The following PARD3 variants were observed in gnomAD, a reference collection of about 807,000 sequenced individuals.
PARD3 encodes the protein par-3 family cell polarity regulator, also known as partitioning defective 3 homolog.
A neutral mutation model predicts 155.4 loss-of-function variants in PARD3; 75 were observed. The ratio of observed to expected loss-of-function variants is 0.48; its 90% CI spans 0.40 to 0.58. The LOEUF (loss-of-function observed/expected upper bound fraction) is 0.58. PARD3 is among the 20% of genes least tolerant of loss of function. The pLI is 0.00. For missense variants in PARD3, 1,642 were observed against 1,721.7 expected (o/e 0.95, Z 0.82); for synonymous variants, 576 against 610.5 (o/e 0.94, Z 0.83).
intron 5 of PARD3, among the ~76,000 whole-genome samples, chr10:34,439,131 T>C (rs983090892): frequency 2.6e-5 from 4 of 152,060 alleles, no homozygotes; most frequent in Non-Finnish European, 4.4e-5. Flanking sequence ...AGGATGAGAG[T>C]GAAAACTTTG....
At chr10:34,194,612 CTTTTTTT>C (rs34506915) in intron 22 of PARD3, among the ~76,000 whole-genome samples, 1 of 120,988 alleles carries the variant, frequency 8.3e-6, no homozygotes, top group Non-Finnish European at 1.7e-5. Context: ...TATGCCAAAG[CTTTTTTT>C]TTTTTTTTTT....
intron 19 of PARD3, among the ~76,000 whole-genome samples, chr10:34,323,626 T>C (rs1369067010): frequency 6.6e-6 from 1 of 152,230 alleles, no homozygotes; most frequent in African/African-American, 2.4e-5. Context: ...ATAGGATCAC[T>C]CTTTTAAAGA....
chr10:34,507,420 T>C (rs1422938123), intron 3 of PARD3, among the ~76,000 whole-genome samples: 1 of 151,158 alleles, frequency 6.6e-6, no homozygotes, highest in Admixed American at 6.6e-5. Context: ...AATTTATAAA[T>C]AAACAATAGA....
chr10:34,281,785 A>T (rs548087813), intron 21 of PARD3, among the ~76,000 whole-genome samples: 13 of 152,198 alleles, frequency 8.5e-5, no homozygotes, highest in Non-Finnish European at 1.9e-4. Flanking sequence ...AGGCAAAAAA[A>T]GTTCTGGTTT....
chr10:34,236,089 T>C (rs566240174), intron 22 of PARD3, among the ~76,000 whole-genome samples: 2 of 152,176 alleles, frequency 1.3e-5, no homozygotes, highest in Non-Finnish European at 2.9e-5. Flanking sequence ...AATCCAACCA[T>C]CTATTGAAGT....
At chr10:34,746,527 T>C (rs921682155) in intron 1 of PARD3, among the ~76,000 whole-genome samples, 2 of 152,190 alleles carry the variant, frequency 1.3e-5, no homozygotes, top group African/African-American at 2.4e-5. Context: ...ATGTCTCAAA[T>C]TTAAGATTCT....
intron 2 of PARD3, among the ~76,000 whole-genome samples, chr10:34,554,057 C>T (rs1395027238): frequency 6.6e-6 from 1 of 152,112 alleles, no homozygotes. Context: ...ATCAGCTATT[C>T]CAGTGCCAAT....
chr10:34,179,016 A>G (rs1950152557), intron 22 of PARD3, among the ~76,000 whole-genome samples: 1 of 152,176 alleles, frequency 6.6e-6, no homozygotes, highest in Non-Finnish European at 1.5e-5. Flanking sequence ...CCCTGCCCCA[A>G]ATGCCTCACC....
chr10:34,720,172 C>T (rs2094580941), intron 1 of PARD3, among the ~76,000 whole-genome samples: 1 of 152,208 alleles, frequency 6.6e-6, no homozygotes, highest in South Asian at 2.1e-4. Flanking sequence ...GCGGCTCATG[C>T]CTGTAATCCC....
At chr10:34,677,597 T>G (rs537055991) in intron 2 of PARD3, among the ~76,000 whole-genome samples, 1 of 152,114 alleles carries the variant, frequency 6.6e-6, no homozygotes, top group East Asian at 1.9e-4. Flanking sequence ...TTAAGAGATA[T>G]TCCCAAAACA....
intron 3 of PARD3, among the ~76,000 whole-genome samples, chr10:34,515,093 A>G (rs2081628177): frequency 6.6e-6 from 1 of 152,216 alleles, no homozygotes; most frequent in South Asian, 2.1e-4. Context: ...GGCAGTCTAC[A>G]TTGTATACAC....
intron 20 of PARD3, among the ~76,000 whole-genome samples, chr10:34,285,567 C>T (rs1337796639): frequency 2.0e-5 from 3 of 150,230 alleles, no homozygotes; most frequent in African/African-American, 7.4e-5. Flanking sequence ...AAGAGGGAGA[C>T]CTTATTTCAA....
At position 34,453,152 on chromosome 10, in the gene PARD3, T is replaced by C. The variant is rs149780839; in HGVS notation, c.583-2704A>G. 9.4e-3 allele frequency among the ~76,000 whole-genome samples: 1,425 copies of C among 152,328 alleles called. 27 individuals carry two copies. Among genetic ancestry groups the C allele is most frequent in the African/African-American group, 0.033 (1,364 of 41,584 alleles). On this transcript the variant is annotated intron_variant, in intron 4 of 24. Coordinates refer to ENST00000374788, the MANE Select transcript of PARD3 (RefSeq NM_001184785.2). The stretch of plus-strand genomic sequence containing the variant: ...GAATTTCAGACAATGGTGCTTACTG[T>C]ACCACACAAACTTCTTCACCTTCAT...
intron 1 of PARD3, among the ~76,000 whole-genome samples, chr10:34,757,668 G>A (rs377676521): frequency 4.0e-5 from 6 of 151,772 alleles, no homozygotes; most frequent in East Asian, 3.8e-4. Flanking sequence ...CCAAGATCGT[G>A]CCACTGGGCG....
chr10:34,385,745 T>C (rs1018353207), intron 7 of PARD3, among the ~76,000 whole-genome samples: 3 of 152,200 alleles, frequency 2.0e-5, no homozygotes, highest in African/African-American at 7.2e-5. Context: ...TCCATGGGCA[T>C]TTATCATATT....
intron 1 of PARD3, among the ~76,000 whole-genome samples, chr10:34,761,028 A>T (rs762610344): frequency 6.6e-6 from 1 of 152,182 alleles, no homozygotes; most frequent in African/African-American, 2.4e-5. Context: ...CCTGTCACAG[A>T]ACATATAACA....
At position 34,385,659 on chromosome 10, in the gene PARD3, T is replaced by C. The variant is rs1167352386; in HGVS notation, c.891-1405A>G. ...GAGAATTACAACTTGCAGTCATCTG[T>C]GTATGTTTTCCAGTAGAAATATACC... On this transcript the variant is annotated intron_variant, in intron 7 of 24. Coordinates refer to ENST00000374788, the MANE Select transcript of PARD3 (RefSeq NM_001184785.2). 4.6e-5 allele frequency among the ~76,000 whole-genome samples: 7 copies of C among 152,230 alleles called. No homozygotes were observed. In the East Asian group the frequency reaches 1.2e-3, roughly 25 times the overall value.
At chr10:34,340,200 T>C (rs1309368136) in intron 16 of PARD3, among the ~76,000 whole-genome samples, 1 of 152,198 alleles carries the variant, frequency 6.6e-6, no homozygotes, top group Admixed American at 6.5e-5. Flanking sequence ...TTCTACTTAT[T>C]TATCTATTTT....
chr10:34,809,753 G>GA (rs1342950677), intron 1 of PARD3, among the ~76,000 whole-genome samples: 1 of 152,176 alleles, frequency 6.6e-6, no homozygotes, highest in Non-Finnish European at 1.5e-5. Context: ...TTGAATTCTG[G>GA]AAAGATCAGC....
Sources: allele counts gnomAD v4.1 joint callset (sites outside exome capture counted in the v4.1 genomes callset), GRCh38; gene constraint gnomAD v4.1.1; transcripts MANE v1.5; gene names NCBI Gene and HGNC (gene_info 2026-07-23, HGNC 2026-07-21).